Variants in TEX9 observed in about 807,000 individuals in gnomAD.
The protein encoded by TEX9 is testis expressed 9.
Under a neutral mutation model 59.6 loss-of-function variants are expected in TEX9, and 74 were observed. The observed-to-expected ratio is 1.24, with a 90% CI of 1.03 to 1.51. The LOEUF (loss-of-function observed/expected upper bound fraction) is 1.51. TEX9 is among the 40% of genes most tolerant of loss of function. The probability of loss-of-function intolerance (pLI) is 0.00; values close to 1 mark genes in which losing one functional copy is unlikely to be tolerated. For missense variants in TEX9, 522 were observed against 447.8 expected (o/e 1.17, Z -1.49); for synonymous variants, 186 against 152.2 (o/e 1.22, Z -1.64).
intron 1 of TEX9, among the ~76,000 whole-genome samples, chr15:56,322,588 A>T (rs985474911): frequency 6.6e-6 from 1 of 152,136 alleles, no homozygotes; most frequent in Admixed American, 6.5e-5. Flanking sequence ...ACGTGTAGAA[A>T]TGCTGCTAGG....
chr15:56,300,708 G>GAGAGAGAGGGGGAGA (rs2045331855), intron 1 of TEX9, among the ~76,000 whole-genome samples: 2 of 102,670 alleles, frequency 1.9e-5, no homozygotes, highest in Admixed American at 1.0e-4. Flanking sequence ...AGAGAGAGAG[G>GAGAGAGAGGGGGAGA]GAGAGAGAGA....
intron 1 of TEX9, among the ~76,000 whole-genome samples, chr15:56,316,735 G>C (rs1172597248): frequency 6.6e-6 from 1 of 152,170 alleles, no homozygotes; most frequent in East Asian, 1.9e-4. Flanking sequence ...AATGGTGGGC[G>C]CCCCTCCCCC....
At chr15:56,376,333 G>A (rs1289439554) in intron 3 of TEX9, among the ~76,000 whole-genome samples, 1 of 152,054 alleles carries the variant, frequency 6.6e-6, no homozygotes, top group East Asian at 1.9e-4. Context: ...CCTCCAAACT[G>A]TTTCCTTTGT....
intron 1 of TEX9, among the ~76,000 whole-genome samples, chr15:56,327,504 G>T (rs940194265): frequency 1.3e-5 from 2 of 151,740 alleles, no homozygotes; most frequent in African/African-American, 4.8e-5. Context: ...AATGTAACAA[G>T]TATCTACACA....
chr15:56,430,258 G>GTGCAGTGGCA (rs1283914752), intron 12 of TEX9, 104 bp downstream of exon 12: 2 of 152,334 alleles, frequency 1.3e-5, no homozygotes, highest in African/African-American at 4.8e-5. Context: ...CCAGGCTGGA[G>GTGCAGTGGCA]TGCAGTGGCA....
intron 1 of TEX9, among the ~76,000 whole-genome samples, chr15:56,356,647 G>T (rs1360881450): frequency 1.3e-5 from 2 of 151,990 alleles, no homozygotes; most frequent in Non-Finnish European, 2.9e-5. Context: ...TATTTTCTTT[G>T]ATCACTTTTA....
At chr15:56,362,268 T>C (rs2046804142), upstream of TEX9, among the ~76,000 whole-genome samples, 1 of 152,230 alleles carries the variant, frequency 6.6e-6, no homozygotes, top group South Asian at 2.1e-4. Flanking sequence ...CCAAATATAA[T>C]GATGGATTTG....
intron 12 of TEX9, among the ~76,000 whole-genome samples, chr15:56,437,233 C>G (rs1365037639): frequency 6.6e-6 from 1 of 152,102 alleles, no homozygotes; most frequent in Non-Finnish European, 1.5e-5. Flanking sequence ...ACTGGCAAAC[C>G]AAATCCAGCA....
intron 1 of TEX9, among the ~76,000 whole-genome samples, chr15:56,257,586 C>G (rs2044172412): frequency 6.6e-6 from 1 of 152,060 alleles, no homozygotes; most frequent in Middle Eastern, 3.2e-3. Context: ...GCATGTATGT[C>G]TTCTTTTGAG....
intron 6 of TEX9, among the ~76,000 whole-genome samples, chr15:56,390,697 T>G (rs1421454456): frequency 6.6e-6 from 1 of 152,054 alleles, no homozygotes; most frequent in Non-Finnish European, 1.5e-5. Flanking sequence ...TAAGAATGTG[T>G]TTCTTTGGGT....
chr15:56,272,370 AC>A (rs2044556463), intron 1 of TEX9, among the ~76,000 whole-genome samples: 1 of 152,190 alleles, frequency 6.6e-6, no homozygotes, highest in African/African-American at 2.4e-5. Context: ...GCAATGTACA[AC>A]ATGTGGCCTA....
At chr15:56,394,300 G>A (rs939567316) in intron 8 of TEX9, 53 bp downstream of exon 8, 2 of 1,420,318 alleles carry the variant, frequency 1.4e-6, no homozygotes, top group East Asian at 4.7e-5. Flanking sequence ...TATTTTAGGA[G>A]CAATTTCAAT....
At chr15:56,294,909 G>A (rs2045182757) in intron 1 of TEX9, among the ~76,000 whole-genome samples, 1 of 152,110 alleles carries the variant, frequency 6.6e-6, no homozygotes, top group Non-Finnish European at 1.5e-5. Context: ...AGACTGACAA[G>A]GGTAGACATT....
chr15:56,428,440 C>A lies in TEX9; in HGVS notation c.1172C>A (p.Ser391Ter). The A allele has an allele frequency of 1.2e-6, 2 of 1,608,114 alleles. No homozygotes were observed. The highest frequency in any genetic ancestry group is 1.7e-6 in the Non-Finnish European group (2 of 1,175,308). The change falls in exon 12 of 13, where the codon TCA (serine) becomes TAA (stop). Residue 391 changes from serine (S) to a stop codon, truncating the protein, a stop_gained. Coordinates refer to ENST00000352903, the Ensembl canonical transcript of TEX9. LOFTEE classifies it high-confidence loss of function. ...ATGAAAGCACTTGAATGGGGAAATT[C>A]ATAAGTGATCTACTTCAGTTAGTCT...
intron 4 of TEX9, among the ~76,000 whole-genome samples, chr15:56,387,060 T>C (rs2047993520): frequency 6.6e-6 from 1 of 151,980 alleles, no homozygotes; most frequent in South Asian, 2.1e-4. Context: ...CCTAATAACG[T>C]AGTATACGTA....
chr15:56,364,419 C>G (rs1477486158), upstream of TEX9, among the ~76,000 whole-genome samples: 2 of 150,912 alleles, frequency 1.3e-5, no homozygotes, highest in African/African-American at 4.9e-5. Context: ...TCCCAAAGTG[C>G]TTGGATTACA....
chr15:56,281,164 G>A (rs1350393586), intron 1 of TEX9, among the ~76,000 whole-genome samples: 1 of 152,172 alleles, frequency 6.6e-6, no homozygotes, highest in Admixed American at 6.5e-5. Flanking sequence ...TATGTTTGAG[G>A]TGCTTTAAAA....
At chr15:56,413,209 A>ATT (rs1555445133) in intron 10 of TEX9, among the ~76,000 whole-genome samples, 4 of 132,852 alleles carry the variant, frequency 3.0e-5, no homozygotes, top group East Asian at 2.0e-4. Flanking sequence ...TTAATATTTA[A>ATT]TAATTAAATA....
chr15:56,432,074 C>G (rs889253383), intron 12 of TEX9, among the ~76,000 whole-genome samples: 1 of 152,120 alleles, frequency 6.6e-6, no homozygotes, highest in Non-Finnish European at 1.5e-5. Context: ...ACTGTACTTG[C>G]ATTCAAACCT....
Sources: allele counts gnomAD v4.1 joint callset (sites outside exome capture counted in the v4.1 genomes callset), GRCh38; gene constraint gnomAD v4.1.1; transcripts MANE v1.5; gene names NCBI Gene and HGNC (gene_info 2026-07-23, HGNC 2026-07-21).